The following HYCC2 variants were observed in gnomAD, a reference collection of about 807,000 sequenced individuals.
HYCC2 encodes hyccin 2.
chr2:201,005,213 C>CT, the HYCC2 span, among the ~76,000 whole-genome samples: 5 of 152,094 alleles, frequency 3.3e-5, no homozygotes, highest in Non-Finnish European at 7.4e-5. Context: ...GCCTTCATGA[C>CT]TGTGTACTTA....
chr2:201,051,563 T>C, the HYCC2 span, among the ~76,000 whole-genome samples: 1 of 152,112 alleles, frequency 6.6e-6, no homozygotes, highest in Admixed American at 6.5e-5. Flanking sequence ...CACAAATTTT[T>C]AAAAATGCAT....
At chr2:201,019,218 C>T in the HYCC2 span, among the ~76,000 whole-genome samples, 3 of 152,094 alleles carry the variant, frequency 2.0e-5, no homozygotes, top group Non-Finnish European at 4.4e-5. Context: ...CCAAAGATTG[C>T]CTTCTCTAAA....
At chr2:201,041,032 C>G in the HYCC2 span, among the ~76,000 whole-genome samples, 1 of 152,260 alleles carries the variant, frequency 6.6e-6, no homozygotes, top group Non-Finnish European at 1.5e-5. Flanking sequence ...ATACTCAAAC[C>G]CGCTGTCCCT....
chr2:200,975,689 T>C, the HYCC2 span: 1 of 152,104 alleles, frequency 6.6e-6, no homozygotes, highest in African/African-American at 2.4e-5. Flanking sequence ...ATTCCCAGCT[T>C]TCTGCTAATT....
chr2:201,030,631 C>T, the HYCC2 span, among the ~76,000 whole-genome samples: 3 of 148,078 alleles, frequency 2.0e-5, no homozygotes, highest in African/African-American at 7.5e-5. Flanking sequence ...CAGACTGAAA[C>T]ACAGTGGCGA....
chr2:201,030,312 A>C, the HYCC2 span, among the ~76,000 whole-genome samples: 28 of 152,222 alleles, frequency 1.8e-4, no homozygotes, highest in Non-Finnish European at 3.5e-4. Context: ...CTATAAATAC[A>C]GTTAGTTGAT....
the HYCC2 span, chr2:201,063,059 A>G: frequency 1.2e-5 from 19 of 1,607,340 alleles, no homozygotes; most frequent in African/African-American, 2.0e-4. Context: ...CCGAAGAAGC[A>G]TCGTTAAAGT....
At chr2:201,025,572 T>C in the HYCC2 span, among the ~76,000 whole-genome samples, 39 of 152,262 alleles carry the variant, frequency 2.6e-4, no homozygotes, top group South Asian at 7.5e-3. Context: ...TAAGTTGAGA[T>C]ATCAAAGATC....
At chr2:200,994,268 G>C in the HYCC2 span, among the ~76,000 whole-genome samples, 2 of 151,350 alleles carry the variant, frequency 1.3e-5, no homozygotes, top group East Asian at 3.9e-4. Flanking sequence ...ACGGAGTCTC[G>C]CTCTGCCGCG....
the HYCC2 span, among the ~76,000 whole-genome samples, chr2:201,043,441 A>G: frequency 6.6e-6 from 1 of 150,816 alleles, no homozygotes; most frequent in Non-Finnish European, 1.5e-5. Context: ...CTAAAAAAAA[A>G]AAAAAAAAGA....
chr2:201,045,704 A>G, the HYCC2 span: 1 of 390,522 alleles, frequency 2.6e-6, no homozygotes, highest in Non-Finnish European at 4.5e-6. Flanking sequence ...AATTTTAAGA[A>G]ATAATTATAG....
chr2:201,001,425 T>C, the HYCC2 span, among the ~76,000 whole-genome samples: 5 of 151,990 alleles, frequency 3.3e-5, no homozygotes, highest in African/African-American at 1.2e-4. Context: ...AAAGAAAAAA[T>C]AGAAATAACT....
At chr2:201,014,126 G>C in the HYCC2 span, among the ~76,000 whole-genome samples, 16 of 152,154 alleles carry the variant, frequency 1.1e-4, no homozygotes, top group Non-Finnish European at 2.2e-4. Context: ...GCACCAATAA[G>C]TTATGTCAAC....
At chr2:201,031,098 T>C in the HYCC2 span, among the ~76,000 whole-genome samples, 1 of 152,338 alleles carries the variant, frequency 6.6e-6, no homozygotes, top group South Asian at 2.1e-4. Context: ...ATAAACATTA[T>C]TGATAGCATA....
At chr2:201,040,427 A>G in the HYCC2 span, among the ~76,000 whole-genome samples, 1 of 151,396 alleles carries the variant, frequency 6.6e-6, no homozygotes, top group South Asian at 2.1e-4. Context: ...ACAAAAACAA[A>G]TTGAGAATAG....
the HYCC2 span, among the ~76,000 whole-genome samples, chr2:201,044,462 A>G: frequency 6.6e-6 from 1 of 152,222 alleles, no homozygotes; most frequent in Non-Finnish European, 1.5e-5. Context: ...TGTGATCTGA[A>G]GAAGGTAAAG....
At chr2:201,033,905 G>A in the HYCC2 span, among the ~76,000 whole-genome samples, 1 of 151,050 alleles carries the variant, frequency 6.6e-6, no homozygotes, top group Admixed American at 6.6e-5. Context: ...CAGAATCCCT[G>A]TCTGATATAG....
At chr2:201,054,620 T>C in the HYCC2 span, among the ~76,000 whole-genome samples, 1 of 152,130 alleles carries the variant, frequency 6.6e-6, no homozygotes, top group Non-Finnish European at 1.5e-5. Context: ...CTTGGGCATA[T>C]CTTAAGTACA....
At chr2:201,013,479 CAAAA>C in the HYCC2 span, among the ~76,000 whole-genome samples, 1 of 66,312 alleles carries the variant, frequency 1.5e-5, no homozygotes, top group East Asian at 4.5e-4. Context: ...CACTCCATTT[CAAAA>C]AAAAAAAAAA....
Sources: gnomAD v4.1 joint callset for allele counts (sites outside exome capture counted in the v4.1 genomes callset) on GRCh38, gnomAD v4.1.1 for gene constraint, MANE v1.5 for transcripts, NCBI Gene and HGNC (gene_info 2026-07-23, HGNC 2026-07-21) for gene names.